SHISA9: variants seen among roughly 807,000 people sequenced by gnomAD.
SHISA9 encodes the protein shisa family member 9.
SHISA9 carries 13 observed loss-of-function variants against 38.0 expected under a neutral mutation model. That is an observed-to-expected ratio of 0.34 (90% CI 0.22 to 0.54). SHISA9 has a LOEUF of 0.54. Ranked by LOEUF, SHISA9 falls within the 20% of genes least tolerant of loss-of-function variation. The pLI is 0.91. For missense variants in SHISA9, 538 were observed against 575.8 expected (o/e 0.93, Z 0.67); for synonymous variants, 275 against 242.0 (o/e 1.14, Z -1.27).
At chr16:13,027,471 T>C (rs964610097) in intron 2 of SHISA9, among the ~76,000 whole-genome samples, 1 of 152,160 alleles carries the variant, frequency 6.6e-6, no homozygotes, top group Non-Finnish European at 1.5e-5. Flanking sequence ...GAAAATTATG[T>C]CCACACAAAG....
chr16:12,907,899 C>T (rs1447070876), intron 1 of SHISA9, among the ~76,000 whole-genome samples: 1 of 152,182 alleles, frequency 6.6e-6, no homozygotes, highest in Non-Finnish European at 1.5e-5. Context: ...CAGTCACCAC[C>T]TCCACCCAAT....
intron 4 of SHISA9, among the ~76,000 whole-genome samples, chr16:13,223,493 A>G (rs935385440): frequency 3.3e-5 from 5 of 152,130 alleles, no homozygotes; most frequent in Admixed American, 6.5e-5. Context: ...TCCCAGCCAT[A>G]TTAACTCCTC....
the SHISA9 span, among the ~76,000 whole-genome samples, chr16:13,367,045 A>G: frequency 1.3e-5 from 2 of 151,768 alleles, no homozygotes; most frequent in Non-Finnish European, 2.9e-5. Context: ...ATATATGTGT[A>G]CAATTCCTGC....
chr16:13,447,541 C>G, the SHISA9 span, among the ~76,000 whole-genome samples: 1 of 152,206 alleles, frequency 6.6e-6, no homozygotes, highest in African/African-American at 2.4e-5. Context: ...AGATGCTGCA[C>G]ATGTGGGCAG....
At chr16:13,418,570 C>A in the SHISA9 span, among the ~76,000 whole-genome samples, 1 of 152,142 alleles carries the variant, frequency 6.6e-6, no homozygotes, top group Non-Finnish European at 1.5e-5. Context: ...CCCAGTATGG[C>A]GGTCTTATGT....
At chr16:13,002,023 T>C (rs1483835853) in intron 2 of SHISA9, among the ~76,000 whole-genome samples, 1 of 152,228 alleles carries the variant, frequency 6.6e-6, no homozygotes, top group Non-Finnish European at 1.5e-5. Context: ...TAAATACCTA[T>C]GCCCAGAAAA....
intron 2 of SHISA9, among the ~76,000 whole-genome samples, chr16:13,034,222 T>G (rs1049171102): frequency 6.6e-6 from 1 of 151,758 alleles, no homozygotes; most frequent in African/African-American, 2.4e-5. Context: ...TCTGCTTGAC[T>G]CCTTGGACTC....
intron 2 of SHISA9, among the ~76,000 whole-genome samples, chr16:13,124,236 A>C (rs1371246062): frequency 5.3e-5 from 8 of 152,192 alleles, no homozygotes; most frequent in Non-Finnish European, 1.2e-4. Flanking sequence ...CATTGCTCAC[A>C]CTATTTGAAG....
At chr16:13,157,533 A>T (rs1353396960) in intron 2 of SHISA9, among the ~76,000 whole-genome samples, 1 of 152,210 alleles carries the variant, frequency 6.6e-6, no homozygotes, top group Non-Finnish European at 1.5e-5. Flanking sequence ...TTTCGTGAGG[A>T]TTGAAGGAAT....
chr16:13,182,052 A>G (rs1185656700), intron 2 of SHISA9, among the ~76,000 whole-genome samples: 7 of 152,228 alleles, frequency 4.6e-5, no homozygotes, highest in African/African-American at 1.4e-4. Context: ...CAGAAGCTAC[A>G]TAGTGATGGA....
At chr16:13,013,788 C>T (rs181231920) in intron 2 of SHISA9, among the ~76,000 whole-genome samples, 140 of 151,828 alleles carry the variant, frequency 9.2e-4, no homozygotes, top group African/African-American at 3.3e-3. Context: ...AGTGCAGTGG[C>T]GAGATCTCAG....
At chr16:13,405,117 G>C in the SHISA9 span, among the ~76,000 whole-genome samples, 1 of 152,298 alleles carries the variant, frequency 6.6e-6, no homozygotes, top group African/African-American at 2.4e-5. Context: ...AGAAAATATA[G>C]GGATGGCTAT....
the SHISA9 span, among the ~76,000 whole-genome samples, chr16:13,288,918 T>C: frequency 2.6e-5 from 4 of 152,140 alleles, no homozygotes; most frequent in South Asian, 2.1e-4. Context: ...ATCTCCAATA[T>C]AGTTACATGA....
chr16:13,360,546 G>A, the SHISA9 span, among the ~76,000 whole-genome samples: 1 of 152,206 alleles, frequency 6.6e-6, no homozygotes, highest in Non-Finnish European at 1.5e-5. Flanking sequence ...ACCATGCAAA[G>A]AAGGATGTGT....
chr16:13,289,594 G>A, the SHISA9 span, among the ~76,000 whole-genome samples: 1 of 151,912 alleles, frequency 6.6e-6, no homozygotes, highest in Non-Finnish European at 1.5e-5. Context: ...AAGTGATGAA[G>A]GAGGGTAGGA....
the SHISA9 span, among the ~76,000 whole-genome samples, chr16:13,285,837 T>C: frequency 6.6e-6 from 1 of 152,186 alleles, no homozygotes; most frequent in Non-Finnish European, 1.5e-5. Context: ...TTCTCTTCCA[T>C]CAGAGGATAC....
At chr16:13,406,881 C>T in the SHISA9 span, among the ~76,000 whole-genome samples, 1 of 151,932 alleles carries the variant, frequency 6.6e-6, no homozygotes, top group Non-Finnish European at 1.5e-5. Flanking sequence ...CCAGCCTGAC[C>T]AACATAGAGA....
At chr16:12,972,040 T>TG (rs1491368312) in intron 2 of SHISA9, among the ~76,000 whole-genome samples, 65 of 124,992 alleles carry the variant, frequency 5.2e-4, no homozygotes, top group Middle Eastern at 3.7e-3. Context: ...TCTCTTGGAG[T>TG]TTGTGTGTGT....
intron 2 of SHISA9, among the ~76,000 whole-genome samples, chr16:13,032,916 C>T (rs2073009181): frequency 6.6e-6 from 1 of 152,064 alleles, no homozygotes; most frequent in Non-Finnish European, 1.5e-5. Context: ...TGCAAAGTTC[C>T]CTAGAGTCAG....
Sources: allele counts gnomAD v4.1 joint callset (sites outside exome capture counted in the v4.1 genomes callset), GRCh38; gene constraint gnomAD v4.1.1; transcripts MANE v1.5; gene names NCBI Gene and HGNC (gene_info 2026-07-23, HGNC 2026-07-21).